RPS27L: variants seen among roughly 807,000 people sequenced by gnomAD.
RPS27L encodes the protein ribosomal protein S27 like, also known as ribosomal protein eS27-like.
Under a neutral mutation model 12.8 loss-of-function variants are expected in RPS27L, and 10 were observed. The observed-to-expected ratio is 0.78, with a 90% confidence interval of 0.48 to 1.33. The LOEUF (loss-of-function observed/expected upper bound fraction) is 1.33. Among genes scored for constraint, RPS27L ranks in the 40% most tolerant of loss-of-function variants. The pLI, the probability that RPS27L is intolerant of heterozygous loss-of-function variation, is 0.00. For synonymous variants in RPS27L, 26 were observed against 32.3 expected (o/e 0.81, Z 0.66); for missense variants, 81 against 97.4 (o/e 0.83, Z 0.71).
Position 63,156,407 on chromosome 15 carries a change from T to C in RPS27L, c.115+6A>G, listed in dbSNP as rs748996763. 4.6e-6 allele frequency: 7 copies of C among 1,506,952 alleles called. No individual in the cohort carries two copies. The Admixed American group carries it at 1.2e-4, about 26-fold the overall frequency. The allele number at this position is 1,506,952 out of a possible 1,614,324, so 93.3% of individuals were successfully genotyped here. The stretch of plus-strand genomic sequence containing the variant: ...TTAGTAAAGGAATTAAGATTTCAAA[T>C]TTTACCTGGACATTTTACATCCATA... On this transcript the variant is annotated splice_donor_region_variant and intron_variant, in intron 2 of 3. Coordinates refer to ENST00000330964, the MANE Select transcript of RPS27L (RefSeq NM_015920.4).
chr15:63,157,281 T>G (rs1196582787), intron 1 of RPS27L, 119 bp downstream of exon 1: 3 of 1,157,004 alleles, frequency 2.6e-6, no homozygotes, highest in Non-Finnish European at 3.9e-6. Context: ...CTGCGCAACC[T>G]GAGCCGCCTC....
intron 2 of RPS27L, among the ~76,000 whole-genome samples, chr15:63,155,932 T>C (rs1207422187): frequency 6.6e-6 from 1 of 152,248 alleles, no homozygotes; most frequent in African/African-American, 2.4e-5. Flanking sequence ...TTAAACTTAA[T>C]ATTTCCAAAA....
Position 63,151,329 on chromosome 15 carries a change from T to C in RPS27L, c.*2703A>G, listed in dbSNP as rs1056180876. 1 of 151,952 alleles carries C rather than the reference T, an allele frequency of 6.6e-6. No homozygotes were observed. Among genetic ancestry groups the C allele is most frequent in the Non-Finnish European group, 1.5e-5 (1 of 68,028 alleles). The allele number at this position is 151,952 out of a possible 1,614,324, so 9.4% of individuals were successfully genotyped here. On this transcript the variant is annotated 3_prime_UTR_variant, in exon 4 of 4. Coordinates refer to ENST00000330964, the MANE Select transcript of RPS27L (RefSeq NM_015920.4). ...GCTCACTGCAACCTCTGCCTCCTGG[T>C]TTCAAGCAATTCTTGTGCCTCAGCC...
Position 63,151,097 on chromosome 15 carries a change from A to G in RPS27L, c.*2935T>C, listed in dbSNP as rs2037296867. 6.6e-6 allele frequency: 1 copy of G among 152,224 alleles called. No individual in the cohort carries two copies. The highest frequency in any genetic ancestry group is 1.5e-5 in the Non-Finnish European group (1 of 68,042). 9.4% of individuals were successfully genotyped at this position (152,224 alleles called of 1,614,324 possible). The stretch of plus-strand genomic sequence containing the variant: ...ATATTTAAAACATTCAGTATATAAT[A>G]ATGTATGTGGCTGACCCTGAAGTTT... On this transcript the variant is annotated 3_prime_UTR_variant, in exon 4 of 4. Transcript: ENST00000330964.
chr15:63,156,103 C>G (rs948043927), intron 2 of RPS27L, among the ~76,000 whole-genome samples: 1 of 152,124 alleles, frequency 6.6e-6, no homozygotes, highest in South Asian at 2.1e-4. Flanking sequence ...TTGTATTGGG[C>G]AGCACAGCTT....
At chr15:63,156,381 T>G (rs767762499) in intron 2 of RPS27L, 32 bp downstream of exon 2, 1 of 1,239,222 alleles carries the variant, frequency 8.1e-7, no homozygotes. Context: ...AGAAATTTTC[T>G]TTAGTAAAGG....
intron 1 of RPS27L, chr15:63,157,023 G>C (rs2037336876): frequency 2.8e-6 from 1 of 359,496 alleles, no homozygotes; most frequent in Admixed American, 4.6e-5. Context: ...TTTTAAAAAA[G>C]GAAAACAAGT....
intron 2 of RPS27L, 22 bp downstream of exon 2, chr15:63,156,391 G>C (rs1482376791): frequency 1.5e-6 from 2 of 1,341,320 alleles, no homozygotes; most frequent in Non-Finnish European, 1.0e-6. Flanking sequence ...TTTAGTAAAG[G>C]AATTAAGATT....
Position 63,149,789 on chromosome 15 carries a change from T to C in RPS27L, c.*4243A>G, listed in dbSNP as rs1457698534. On this transcript the variant is annotated 3_prime_UTR_variant, in exon 4 of 4. Transcript: ENST00000330964. ...GCAGATGTCATTAAGAATACTTTAT[T>C]TGGCCGGATGCAGTGGCTCACACCT... 1 of 152,174 alleles carries C rather than the reference T, an allele frequency of 6.6e-6. No individual in the cohort carries two copies. Among genetic ancestry groups the C allele is most frequent in the Admixed American group, 6.6e-5 (1 of 15,262 alleles). 9.4% of individuals were successfully genotyped at this position (152,174 alleles called of 1,614,324 possible). A position where few individuals can be genotyped will look rare whatever the true frequency, so the allele number is the denominator to read the frequency against.
chr15:63,155,507 T>C (rs1475474197), intron 3 of RPS27L, 114 bp downstream of exon 3: 1 of 666,356 alleles, frequency 1.5e-6, no homozygotes, highest in African/African-American at 1.9e-5. Context: ...AAGCACACAA[T>C]GAAAGATAAG....
At chr15:63,156,653 G>C (rs907764920) in intron 1 of RPS27L, 132 bp from the exon 2 acceptor site, 1 of 680,694 alleles carries the variant, frequency 1.5e-6, no homozygotes, top group South Asian at 1.6e-5. Flanking sequence ...AGATAGTAAA[G>C]TTATTTTTCG....
In RPS27L at chr15:63,152,730, G is replaced by C. The variant is rs62011226; in HGVS notation, c.*1302C>G. ...GGCTGGTCTTGAACTCCCGACCTCA[G>C]GTGATCCACCTGCCTCAGGCTCCCA... On this transcript the variant is annotated 3_prime_UTR_variant, in exon 4 of 4. Transcript: ENST00000330964. The C allele has an allele frequency of 0.034, 5,124 of 152,146 alleles. 128 individuals are homozygous for C. The highest frequency in any genetic ancestry group is 0.12 in the East Asian group (607 of 5,168). The allele number at this position is 152,146 out of a possible 1,614,324, so 9.4% of individuals were successfully genotyped here.
rs1361992982 is a variant in RPS27L at position 63,157,436 on chromosome 15, G to C, written c.-31C>G. 3.1e-6 allele frequency: 5 copies of C among 1,613,576 alleles called. No homozygotes were observed. The highest frequency in any genetic ancestry group is 1.1e-5 in the South Asian group (1 of 91,074). On this transcript the variant is annotated 5_prime_UTR_variant, in exon 1 of 4. Transcript: ENST00000330964. ...TCCTCTTGCAAGCTCAGCCCTACCA[G>C]ACCTCCCAGCCCACACAGCTAGCAA... is the stretch of plus-strand genomic sequence containing the variant.
chr15:63,155,806 T>C (rs2037328737), intron 2 of RPS27L, 75 bp from the exon 3 acceptor site: 4 of 868,582 alleles, frequency 4.6e-6, no homozygotes, highest in East Asian at 3.1e-5. Flanking sequence ...TCTGGTAATA[T>C]GTAAAAAAAT....
intron 3 of RPS27L, 180 bp from the exon 4 acceptor site, chr15:63,154,240 G>A (rs935698919): frequency 3.0e-5 from 17 of 572,534 alleles, no homozygotes; most frequent in Non-Finnish European, 3.7e-5. Flanking sequence ...TCATATCTGA[G>A]TTTACTCTGG....
rs1401891136 is a variant in RPS27L, at chr15:63,150,143, A to G, written c.*3889T>C. On this transcript the variant is annotated 3_prime_UTR_variant, in exon 4 of 4. Coordinates refer to ENST00000330964, the MANE Select transcript of RPS27L (RefSeq NM_015920.4). The stretch of plus-strand genomic sequence containing the variant: ...CAACTGATGAATGGATAAACATTGT[A>G]TATTATTACACAGAATATTGTCAAA... 1.3e-5 allele frequency: 2 copies of G among 152,230 alleles called. No individual in the cohort carries two copies. Among genetic ancestry groups the G allele is most frequent in the South Asian group, 2.1e-4 (1 of 4,828 alleles). 9.4% of individuals were successfully genotyped at this position (152,230 alleles called of 1,614,324 possible).
intron 2 of RPS27L, among the ~76,000 whole-genome samples, 156 bp from the exon 3 acceptor site, chr15:63,155,887 T>A (rs886214135): frequency 6.6e-6 from 1 of 152,206 alleles, no homozygotes; most frequent in Non-Finnish European, 1.5e-5. Flanking sequence ...GACACAAAAT[T>A]TTTTAAAAAC....
At chr15:63,154,571 T>C (rs1345741248) in intron 3 of RPS27L, 1 of 152,306 alleles carries the variant, frequency 6.6e-6, no homozygotes, top group African/African-American at 2.4e-5. Context: ...TTAGCAATAT[T>C]ACTCTTAAAA....
chr15:63,156,494 AGGAC>A lies in RPS27L; in HGVS notation c.30_33del (p.Ser11TrpfsTer13). On this transcript the variant is annotated frameshift_variant, in exon 2 of 4. Transcript: ENST00000330964. LOFTEE classifies it high-confidence loss of function. ...TTATGTTTTTTCTTTTCCTCTTCCAAGGACGGATGTAGTAAATCTCTAGCCAACT... is the reference window on the plus strand; with the variant it reads ...TTATGTTTTTTCTTTTCCTCTTCCAAGGATGTAGTAAATCTCTAGCCAACT... 1 of 1,607,258 alleles carries A rather than the reference AGGAC, an allele frequency of 6.2e-7. No homozygotes were observed. Among genetic ancestry groups the A allele is most frequent in the Non-Finnish European group, 8.5e-7 (1 of 1,175,744 alleles).
Sources: gnomAD v4.1 joint callset for allele counts (sites outside exome capture counted in the v4.1 genomes callset) on GRCh38, gnomAD v4.1.1 for gene constraint, MANE v1.5 for transcripts, NCBI Gene and HGNC (gene_info 2026-07-23, HGNC 2026-07-21) for gene names.